Variants in UTP15 observed in about 807,000 individuals in gnomAD.
The protein encoded by UTP15 is U3 small nucleolar RNA-associated protein 15 homolog.
UTP15 carries 5 observed loss-of-function variants against 59.1 expected under a neutral mutation model. That is an observed-to-expected ratio of 0.08 (90% CI 0.04 to 0.18). The LOEUF (loss-of-function observed/expected upper bound fraction) is 0.18. UTP15 is among the 10% of genes least tolerant of loss of function. The pLI is 1.00. For missense variants in UTP15, 494 were observed against 616.7 expected (o/e 0.80, Z 2.11); for synonymous variants, 211 against 212.2 (o/e 0.99, Z 0.05).
intron 9 of UTP15, 95 bp downstream of exon 9, chr5:73,578,100 G>A (rs7443182): frequency 0.42 from 555,672 of 1,324,292 alleles, 123,611 homozygotes; most frequent in East Asian, 0.66. Context: ...AGTTCACATG[G>A]CACTTTATTT....
chr5:73,579,155 G>GT lies in UTP15; in HGVS notation c.1280+11dup, dbSNP rs778262201. On this transcript the variant is annotated splice_donor_region_variant and intron_variant, in intron 11 of 12. Transcript: ENST00000296792. The stretch of plus-strand genomic sequence containing the variant: ...TGTTCTTAATTTTTTGATAAGGTAT[G>GT]TTTTTTGTCTGTGAAACACTTACAT... 4.3e-6 allele frequency: 7 copies of GT among 1,613,490 alleles called. No individual in the cohort carries two copies. The Admixed American group carries it at 8.3e-5, about 19-fold the overall frequency.
chr5:73,578,048 T>G, intron 9 of UTP15, 43 bp downstream of exon 9: 2 of 1,562,988 alleles, frequency 1.3e-6, no homozygotes, highest in Non-Finnish European at 1.7e-6. Context: ...GTGAAATTTG[T>G]TAGAGTAGCC....
chr5:73,571,044 C>T (rs577552523), intron 6 of UTP15, among the ~76,000 whole-genome samples: 2 of 152,216 alleles, frequency 1.3e-5, no homozygotes, highest in African/African-American at 4.8e-5. Context: ...AACTCGAGAG[C>T]TCTGTGTATT....
Position 73,578,034 on chromosome 5 carries a change from A to G in UTP15, c.1044+29A>G, listed in dbSNP as rs563417113. 75 of 1,569,642 alleles carry G rather than the reference A, an allele frequency of 4.8e-5. 2 individuals are homozygous for G. In the Admixed American group the frequency reaches 1.5e-3, roughly 32 times the overall value. ...TTTGTGCATTTCTCATATTTGTTTA[A>G]AGGGTGAAATTTGTTAGAGTAGCCA... On this transcript the variant is annotated intron_variant, in intron 9 of 12. Coordinates refer to ENST00000296792, the MANE Select transcript of UTP15 (RefSeq NM_032175.4).
In UTP15 at chr5:73,579,901, A is replaced by G; in HGVS notation, c.1364A>G (p.Gln455Arg). ...GATATATATCTGCCTGTAATTGGTCAGTCCCCTGTAGTTGATAAAAAGTTT... is the reference window on the plus strand; with the variant it reads ...GATATATATCTGCCTGTAATTGGTCGGTCCCCTGTAGTTGATAAAAAGTTT... ...IIDIYLPVIGQSPVVDKKFLL... is the reference protein window; with the variant it reads ...IIDIYLPVIGRSPVVDKKFLL... The change falls in exon 13 of 13, where the codon CAG becomes CGG. Residue 455 changes from glutamine (Q) to arginine (R), a missense_variant. Gln to Arg is a conservative substitution (Grantham distance 43, BLOSUM62 1). Transcript: ENST00000296792. 6.2e-7 allele frequency: 1 copy of G among 1,610,602 alleles called. No homozygotes were observed. The highest frequency in any genetic ancestry group is 8.5e-7 in the Non-Finnish European group (1 of 1,178,270).
At position 73,577,990 on chromosome 5, in the gene UTP15, T is replaced by C. The variant is rs918405636; in HGVS notation, c.1029T>C (p.Asn343=). 1 of 1,580,180 alleles carries C rather than the reference T, an allele frequency of 6.3e-7. No homozygotes were observed. The highest frequency in any genetic ancestry group is 8.5e-7 in the Non-Finnish European group (1 of 1,170,604). ...PAYRTFIKGK[N]YMKQRDDILI... ...ATCGAACCTTTATTAAAGGAAAAAA[T>C]TACATGAAGCAACGGGTATTTGTGC... The change falls in exon 9 of 13, where the codon AAT becomes AAC. Residue 343 remains asparagine, a synonymous_variant. Transcript: ENST00000296792.
chr5:73,568,193 A>AC, intron 2 of UTP15, 42 bp from the exon 3 acceptor site: 1 of 1,438,900 alleles, frequency 6.9e-7, no homozygotes, highest in East Asian at 2.3e-5. Flanking sequence ...AATAGGTCTT[A>AC]CCAGTGGTAA....
At chr5:73,571,403 T>C (rs1580389666) in intron 6 of UTP15, among the ~76,000 whole-genome samples, 4 of 152,120 alleles carry the variant, frequency 2.6e-5, no homozygotes, top group Admixed American at 2.6e-4. Context: ...GGGACTGAGA[T>C]GTTTTTCTCA....
In UTP15 at chr5:73,577,858, T is replaced by C; in HGVS notation, c.897T>C (p.His299=). The C allele has an allele frequency of 2.5e-6, 4 of 1,579,358 alleles. No homozygotes were observed. The highest frequency in any genetic ancestry group is 3.4e-6 in the Non-Finnish European group (4 of 1,169,292). ...CTTATTTTTCTAATTGTTATTAGCA[T>C]GAAGATGAGACAATAGTTGTAGGAA... ...AASILSLALA[H]EDETIVVGMT... Residue 299 remains histidine, a splice_region_variant and synonymous_variant, in exon 9 of 13, where the codon CAT becomes CAC. Transcript: ENST00000296792.
rs1748252545 is a variant in UTP15 at position 73,580,098 on chromosome 5, C to G, written c.*4C>G. 1 of 1,610,054 alleles carries G rather than the reference C, an allele frequency of 6.2e-7. No homozygotes were observed. The highest frequency in any genetic ancestry group is 1.7e-4 in the Middle Eastern group (1 of 6,040). ...GAATAAGAAGATAGAATCATAGTGT[C>G]TGCTAAATAAGACATATAAGAACTC... On this transcript the variant is annotated 3_prime_UTR_variant, in exon 13 of 13. Transcript: ENST00000296792.
chr5:73,572,031 G>A (rs1228366623), intron 6 of UTP15, among the ~76,000 whole-genome samples: 14 of 152,094 alleles, frequency 9.2e-5, no homozygotes, highest in African/African-American at 3.4e-4. Context: ...GAGTGGAGAG[G>A]TGGGAACTGT....
chr5:73,576,600 A>G (rs2112054612), intron 7 of UTP15, among the ~76,000 whole-genome samples: 1 of 151,304 alleles, frequency 6.6e-6, no homozygotes, highest in East Asian at 2.0e-4. Context: ...TCAGCTTCCC[A>G]AGTAGCTGGG....
Position 73,570,504 on chromosome 5 carries a change from C to T in UTP15, c.548-82C>T. 3 of 1,413,776 alleles carry T rather than the reference C, an allele frequency of 2.1e-6. No individual in the cohort carries two copies. The Admixed American group carries it at 6.7e-5, about 32-fold the overall frequency. The allele number at this position is 1,413,776 out of a possible 1,614,324, so 87.6% of individuals were successfully genotyped here. On this transcript the variant is annotated intron_variant, in intron 5 of 12. Coordinates refer to ENST00000296792, the MANE Select transcript of UTP15 (RefSeq NM_032175.4). The stretch of plus-strand genomic sequence containing the variant: ...TTAAAACTCCATCTAAGCTTTTTTT[C>T]CTTTTAAAATTTATATCTGGATACA...
At chr5:73,577,776 A>T in intron 8 of UTP15, 80 bp from the exon 9 acceptor site, 1 of 1,236,282 alleles carries the variant, frequency 8.1e-7, no homozygotes, top group Non-Finnish European at 1.1e-6. Flanking sequence ...CAGCAAACAC[A>T]TGGTAAATGT....
rs193165265 is a variant in UTP15 at position 73,573,134 on chromosome 5, T to C, written c.809+510T>C. Among the ~76,000 whole-genome samples, 389 of 152,234 alleles carry C rather than the reference T, an allele frequency of 2.6e-3. 1 individual carries two copies. The highest frequency in any genetic ancestry group is 8.9e-3 in the African/African-American group (370 of 41,548). On this transcript the variant is annotated intron_variant, in intron 7 of 12. Transcript: ENST00000296792. Reference sequence around the variant, plus strand: ...TATTTTCTCCTTTGACACAATTTGTTTTAACTTGTATACTTAAACAACATT... The same window carrying C: ...TATTTTCTCCTTTGACACAATTTGTCTTAACTTGTATACTTAAACAACATT...
At chr5:73,575,327 AGT>A (rs1323581961) in intron 7 of UTP15, among the ~76,000 whole-genome samples, 3 of 152,202 alleles carry the variant, frequency 2.0e-5, no homozygotes, top group African/African-American at 7.2e-5. Flanking sequence ...TTCAACCAAG[AGT>A]GATTTTTGTT....
rs1748029273 is a variant in UTP15 at position 73,574,467 on chromosome 5, T to C, written c.809+1843T>C. Among the ~76,000 whole-genome samples, 5 of 152,104 alleles carry C rather than the reference T, an allele frequency of 3.3e-5. No homozygotes were observed. In the South Asian group the frequency reaches 1.0e-3, roughly 32 times the overall value. ...TGCAGCTAGAAGTATGGCACAGTTC[T>C]AGAATTTACATGATTTATTATTAAT... On this transcript the variant is annotated intron_variant, in intron 7 of 12. Coordinates refer to ENST00000296792, the MANE Select transcript of UTP15 (RefSeq NM_032175.4).
chr5:73,578,966 T>C, intron 10 of UTP15, 51 bp from the exon 11 acceptor site: 1 of 1,587,392 alleles, frequency 6.3e-7, no homozygotes, highest in Non-Finnish European at 8.6e-7. Context: ...AAGACAGTGA[T>C]TTTTTTTGTG....
intron 7 of UTP15, 48 bp downstream of exon 7, chr5:73,572,672 T>C: frequency 1.3e-6 from 2 of 1,548,840 alleles, no homozygotes; most frequent in Non-Finnish European, 8.8e-7. Flanking sequence ...TACACCTGTT[T>C]ACTGCTTGAG....
Sources: gnomAD v4.1 joint callset for allele counts (sites outside exome capture counted in the v4.1 genomes callset) on GRCh38, gnomAD v4.1.1 for gene constraint, MANE v1.5 for transcripts, NCBI Gene and HGNC (gene_info 2026-07-23, HGNC 2026-07-21) for gene names.